Variants in FAM227A observed in about 807,000 individuals in gnomAD.
FAM227A encodes the protein protein FAM227A.
FAM227A carries 80 observed loss-of-function variants against 74.7 expected under a neutral mutation model. The ratio of observed to expected loss-of-function variants is 1.07; its 90% CI spans 0.89 to 1.29. FAM227A has a LOEUF of 1.29. Ranked by LOEUF, FAM227A falls within the 50% of genes most tolerant of loss-of-function variation. The pLI is 0.00. For missense variants in FAM227A, 654 were observed against 683.4 expected, an observed-to-expected ratio of 0.96 and a Z score of 0.48; for synonymous variants, 237 against 241.8, an observed-to-expected ratio of 0.98 and a Z score of 0.19.
chr22:38,585,994 C>T lies in FAM227A; in HGVS notation c.*131G>A. The stretch of plus-strand genomic sequence containing the variant: ...AGGAAAAACTACAACGGAATCCTTC[C>T]CCTATGGAGAAATCATGATTCCTAT... On this transcript the variant is annotated 3_prime_UTR_variant, in exon 17 of 17. Coordinates refer to ENST00000535113, the MANE Select transcript of FAM227A (RefSeq NM_001013647.2). 2.0e-6 allele frequency: 3 copies of T among 1,528,508 alleles called. No homozygotes were observed. The South Asian group carries it at 3.7e-5, about 19-fold the overall frequency. The allele number at this position is 1,528,508 out of a possible 1,614,324, so 94.7% of individuals were successfully genotyped here. A position where few individuals can be genotyped will look rare whatever the true frequency, so the allele number is the denominator to read the frequency against.
At chr22:38,625,760 A>G (rs2091784377) in intron 9 of FAM227A, among the ~76,000 whole-genome samples, 1 of 152,092 alleles carries the variant, frequency 6.6e-6, no homozygotes, top group African/African-American at 2.4e-5. Context: ...CCTGACCAAC[A>G]TGGTGAAACC....
At chr22:38,633,921 C>T (rs891521514) in intron 6 of FAM227A, among the ~76,000 whole-genome samples, 14 of 151,986 alleles carry the variant, frequency 9.2e-5, no homozygotes, top group Non-Finnish European at 1.9e-4. Flanking sequence ...TGTGCACTTA[C>T]ATAGATTGAA....
chr22:38,630,145 C>T (rs965198327), intron 6 of FAM227A, among the ~76,000 whole-genome samples: 5 of 151,890 alleles, frequency 3.3e-5, no homozygotes, highest in Non-Finnish European at 7.4e-5. Context: ...CATCAGGAAG[C>T]GTGCCTCTTC....
intron 16 of FAM227A, 131 bp downstream of exon 16, chr22:38,591,304 G>A (rs1715751637): frequency 1.4e-6 from 2 of 1,404,106 alleles, no homozygotes; most frequent in Non-Finnish European, 1.9e-6. Context: ...GCCTTGAGGA[G>A]AGAGTGAGAC....
At chr22:38,603,032 C>T (rs976369193) in intron 13 of FAM227A, among the ~76,000 whole-genome samples, 10 of 152,138 alleles carry the variant, frequency 6.6e-5, no homozygotes, top group Admixed American at 4.6e-4. Flanking sequence ...TGCCACCATG[C>T]CTGGATAATT....
At chr22:38,626,005 A>G (rs182831715) in intron 9 of FAM227A, among the ~76,000 whole-genome samples, 175 bp downstream of exon 9, 75 of 152,014 alleles carry the variant, frequency 4.9e-4, no homozygotes, top group Non-Finnish European at 1.8e-4. Flanking sequence ...AGGAAGCAGG[A>G]AAATTTGTAT....
At position 38,591,508 on chromosome 22, in the gene FAM227A, T is replaced by G. The variant is rs1392698325; in HGVS notation, c.1565A>C (p.Asp522Ala). ...EMKNIDPKAADTKKANHMFIP... is the reference protein window; with the variant it reads ...EMKNIDPKAAATKKANHMFIP... The stretch of plus-strand genomic sequence containing the variant: ...GAACATGTGGTTTGCCTTTTTTGTA[T>G]CTGCTGCTTTTGGATCAATATTCTT... The change falls in exon 16 of 17, where the codon GAT becomes GCT. Residue 522 changes from aspartate (D) to alanine (A), a missense_variant. Transcript: ENST00000535113. 6 of 1,548,398 alleles carry G rather than the reference T, an allele frequency of 3.9e-6. No homozygotes were observed. Among genetic ancestry groups the G allele is most frequent in the Non-Finnish European group, 5.2e-6 (6 of 1,145,968 alleles).
chr22:38,650,193 A>T lies in FAM227A; in HGVS notation c.-25T>A. 6.5e-7 allele frequency: 1 copy of T among 1,550,120 alleles called. No homozygotes were observed. The highest frequency in any genetic ancestry group is 8.7e-7 in the Non-Finnish European group (1 of 1,146,282). ...TTGTCCAATTTCTTGTAAATGGACA[A>T]ACAAAAAGCTTCCACTTTTAAGAGC... is the stretch of plus-strand genomic sequence containing the variant. On this transcript the variant is annotated 5_prime_UTR_variant, in exon 2 of 17. The change creates a new upstream start codon in the 5' untranslated region. Coordinates refer to ENST00000535113, the MANE Select transcript of FAM227A (RefSeq NM_001013647.2).
At chr22:38,643,384 G>A (rs183808518) in intron 3 of FAM227A, among the ~76,000 whole-genome samples, 1 of 151,774 alleles carries the variant, frequency 6.6e-6, no homozygotes, top group East Asian at 1.9e-4. Flanking sequence ...AGGAAGATCT[G>A]CAGACTATAA....
chr22:38,646,173 A>C (rs117209178), intron 2 of FAM227A, among the ~76,000 whole-genome samples: 5 of 152,134 alleles, frequency 3.3e-5, no homozygotes, highest in Non-Finnish European at 7.4e-5. Flanking sequence ...ACATATAAAA[A>C]GTGAAAAAGA....
chr22:38,626,838 A>G lies in FAM227A; in HGVS notation c.727-535T>C, dbSNP rs374288340. On this transcript the variant is annotated intron_variant, in intron 8 of 16. Coordinates refer to ENST00000535113, the MANE Select transcript of FAM227A (RefSeq NM_001013647.2). ...GCAGTGAGCTGCGACCGTGCACTCC[A>G]GCCTGGGCGACAGAGAGACTCTGTC... 9.7e-5 allele frequency among the ~76,000 whole-genome samples: 12 copies of G among 124,038 alleles called. 1 individual carries two copies. Among genetic ancestry groups the G allele is most frequent in the East Asian group, 8.1e-4 (3 of 3,706 alleles). The allele number at this position is 124,038 out of a possible 152,430, so 81.4% of individuals were successfully genotyped here.
intron 16 of FAM227A, among the ~76,000 whole-genome samples, chr22:38,587,249 T>C (rs981676808): frequency 1.3e-5 from 2 of 151,998 alleles, no homozygotes; most frequent in Non-Finnish European, 2.9e-5. Flanking sequence ...CTGAAGCTGG[T>C]AGAAGGAAGG....
At chr22:38,617,382 G>A (rs182203994) in intron 11 of FAM227A, among the ~76,000 whole-genome samples, 3 of 142,002 alleles carry the variant, frequency 2.1e-5, no homozygotes, top group Admixed American at 1.5e-4. Flanking sequence ...AGCAACCTCC[G>A]CCTCCCGGGT....
intron 11 of FAM227A, among the ~76,000 whole-genome samples, chr22:38,611,450 T>C (rs2091411943): frequency 6.6e-6 from 1 of 152,148 alleles, no homozygotes; most frequent in Admixed American, 6.5e-5. Context: ...TGACTATATC[T>C]ATGCTGTTGA....
intron 11 of FAM227A, among the ~76,000 whole-genome samples, chr22:38,613,108 TA>T (rs1360888341): frequency 1.1e-5 from 1 of 92,458 alleles, no homozygotes; most frequent in African/African-American, 5.0e-5. Flanking sequence ...TATATAATTA[TA>T]TATATATTAT....
chr22:38,624,400 AAAG>A (rs1253189286), intron 9 of FAM227A, among the ~76,000 whole-genome samples: 1 of 152,110 alleles, frequency 6.6e-6, no homozygotes, highest in East Asian at 1.9e-4. Flanking sequence ...AAAAAAAAAA[AAAG>A]ATTAAATGGG....
chr22:38,626,681 T>A (rs1006711711), intron 8 of FAM227A, among the ~76,000 whole-genome samples: 3 of 150,874 alleles, frequency 2.0e-5, no homozygotes, highest in Middle Eastern at 3.4e-3. Flanking sequence ...CTGGCCAACA[T>A]GGTGAAACTG....
chr22:38,590,695 AC>A (rs1217467900), intron 16 of FAM227A, among the ~76,000 whole-genome samples: 2 of 152,244 alleles, frequency 1.3e-5, no homozygotes, highest in Admixed American at 1.3e-4. Flanking sequence ...AACACTTGGT[AC>A]AGAGGAAGTA....
At chr22:38,626,097 T>G in intron 9 of FAM227A, 83 bp downstream of exon 9, 1 of 1,412,592 alleles carries the variant, frequency 7.1e-7, no homozygotes, top group Non-Finnish European at 9.7e-7. Context: ...AGGGGTGTCA[T>G]AGCAAACAAT....
Sources: gnomAD v4.1 joint callset for allele counts (sites outside exome capture counted in the v4.1 genomes callset) on GRCh38, gnomAD v4.1.1 for gene constraint, MANE v1.5 for transcripts, NCBI Gene and HGNC (gene_info 2026-07-23, HGNC 2026-07-21) for gene names.